Variants in RIPOR2 observed in about 807,000 individuals in gnomAD.
RIPOR2 encodes rho family-interacting cell polarization regulator 2.
In RIPOR2, 39 loss-of-function variants were observed where a neutral mutation model predicts 114.5. That is an observed-to-expected ratio of 0.34 (90% CI 0.26 to 0.44). The LOEUF (loss-of-function observed/expected upper bound fraction) is 0.44, where lower values mean the gene tolerates loss of function less well. Ranked by LOEUF, RIPOR2 falls within the 20% of genes least tolerant of loss-of-function variation. The pLI, the probability that RIPOR2 is intolerant of heterozygous loss-of-function variation, is 1.00. For synonymous variants in RIPOR2, 445 were observed against 484.4 expected (o/e 0.92, Z 1.07); for missense variants, 1,007 against 1,255.1 (o/e 0.80, Z 2.99).
Position 24,849,872 on chromosome 6 carries a change from G to A in RIPOR2, c.964C>T (p.Arg322Ter), listed in dbSNP as rs769611747. 3.1e-6 allele frequency: 5 copies of A among 1,613,694 alleles called. No individual in the cohort carries two copies. Among genetic ancestry groups the A allele is most frequent in the Non-Finnish European group, 3.4e-6 (4 of 1,179,698 alleles). ...TCETKELFAA[R>*]PQVVAVDIND... ...ATGTCGACAGCCACTACCTGAGGTCGGGCTGCAAACAGCTCTTTGGTCTCA... is the reference window on the plus strand; with the variant it reads ...ATGTCGACAGCCACTACCTGAGGTCAGGCTGCAAACAGCTCTTTGGTCTCA... Residue 322 changes from arginine to a stop codon, truncating the protein, a stop_gained, in exon 11 of 22, where the codon CGA (arginine) becomes TGA (stop). Transcript: ENST00000643898. LOFTEE classifies it high-confidence loss of function.
intron 14 of RIPOR2, 151 bp downstream of exon 14, chr6:24,838,940 A>G: frequency 1.7e-6 from 1 of 585,390 alleles, no homozygotes; most frequent in East Asian, 2.8e-5. Flanking sequence ...ATTGCACTTG[A>G]CAATAAAAAG....
intron 1 of RIPOR2, among the ~76,000 whole-genome samples, chr6:25,011,715 G>A (rs1300550222): frequency 2.0e-5 from 3 of 152,170 alleles, no homozygotes; most frequent in South Asian, 2.1e-4. Context: ...GTCTCACACC[G>A]TAGATAAATA....
In RIPOR2 at chr6:25,022,532, ATTTTTTTTTTTTTTTT is replaced by A. The variant is rs10564019; in HGVS notation, c.76+19303_76+19318del. 3.9e-3 allele frequency among the ~76,000 whole-genome samples: 158 copies of A among 40,994 alleles called. 1 individual carries two copies. Among genetic ancestry groups the A allele is most frequent in the African/African-American group, 8.0e-3 (102 of 12,768 alleles). The allele number at this position is 40,994 out of a possible 152,430, so 26.9% of individuals were successfully genotyped here. ...ACATATAACTAATGTGGTACCTTCC[ATTTTTTTTTTTTTTTT>A]TTTTTTTTTTTTTTTTTTTTAGACA... On this transcript the variant is annotated intron_variant, in intron 1 of 13. Transcript: ENST00000510784.
intron 1 of RIPOR2, among the ~76,000 whole-genome samples, chr6:24,885,869 A>G (rs1270456740): frequency 6.6e-6 from 1 of 152,212 alleles, no homozygotes; most frequent in African/African-American, 2.4e-5. Flanking sequence ...AAGTTTAGGT[A>G]ATGCTAAGGA....
At chr6:25,018,027 G>A (rs779200647) in intron 1 of RIPOR2, among the ~76,000 whole-genome samples, 8 of 152,164 alleles carry the variant, frequency 5.3e-5, no homozygotes, top group South Asian at 2.1e-4. Context: ...AAGCAATTTC[G>A]TAATATCACC....
rs557973563 is a variant in RIPOR2, at chr6:24,880,416, G to A, written c.62-4599C>T. On this transcript the variant is annotated intron_variant, in intron 1 of 21. Transcript: ENST00000643898. ...CTATATAAAACCACGAACACAAATA[G>A]AAAAGTTCTGAAACTACACACAGTC... Among the ~76,000 whole-genome samples the A allele has an allele frequency of 1.1e-3, 169 of 152,270 alleles. 1 individual carries two copies. Among genetic ancestry groups the A allele is most frequent in the African/African-American group, 3.8e-3 (159 of 41,558 alleles).
intron 12 of RIPOR2, chr6:24,847,490 T>C (rs1762428678): frequency 1.3e-6 from 2 of 1,527,974 alleles, no homozygotes; most frequent in Middle Eastern, 1.9e-4. Flanking sequence ...AAGTCACACA[T>C]GCCACAAGCC....
In RIPOR2 at chr6:24,818,542, C is replaced by T. The variant is rs1397027110; in HGVS notation, c.2952G>A (p.Glu984=). ...KAACLALKIL[E]ATESIKMLVT... is the part of the protein sequence containing the mutation. ...GGGGAGCTCCAAGGCTGGGCTTTACCTCAAGGATTTTCAGAGCCAGGCAAG... is the reference window on the plus strand; with the variant it reads ...GGGGAGCTCCAAGGCTGGGCTTTACTTCAAGGATTTTCAGAGCCAGGCAAG... The change falls in exon 20 of 22, where the codon GAG becomes GAA. Residue 984 remains glutamate (E), a splice_region_variant and synonymous_variant. Transcript: ENST00000643898. 1.3e-6 allele frequency: 2 copies of T among 1,547,900 alleles called. No individual in the cohort carries two copies. Among genetic ancestry groups the T allele is most frequent in the South Asian group, 2.4e-5 (2 of 83,592 alleles).
intron 1 of RIPOR2, among the ~76,000 whole-genome samples, chr6:24,930,067 C>A (rs1229242336): frequency 2.0e-5 from 3 of 152,222 alleles, no homozygotes; most frequent in African/African-American, 7.2e-5. Context: ...AGAGCGAGAG[C>A]CTGTCTCTTG....
At chr6:24,844,675 C>T (rs1376247555) in intron 12 of RIPOR2, among the ~76,000 whole-genome samples, 1 of 151,828 alleles carries the variant, frequency 6.6e-6, no homozygotes, top group African/African-American at 2.4e-5. Flanking sequence ...CAGGATTTCG[C>T]CATGTTGGTC....
chr6:25,017,885 C>T (rs184562298), intron 1 of RIPOR2, among the ~76,000 whole-genome samples: 1 of 152,260 alleles, frequency 6.6e-6, no homozygotes, highest in Non-Finnish European at 1.5e-5. Flanking sequence ...CTTCAGGACA[C>T]CTATGACAGA....
At chr6:24,859,132 G>A (rs1581624083) in intron 8 of RIPOR2, among the ~76,000 whole-genome samples, 1 of 152,256 alleles carries the variant, frequency 6.6e-6, no homozygotes, top group South Asian at 2.1e-4. Flanking sequence ...CCTGGGACAA[G>A]TCATTTAGCC....
intron 1 of RIPOR2, among the ~76,000 whole-genome samples, chr6:25,011,151 C>A (rs1472090177): frequency 6.6e-6 from 1 of 152,100 alleles, no homozygotes; most frequent in Non-Finnish European, 1.5e-5. Flanking sequence ...TGGCAATGAG[C>A]AGTGGAGGGA....
chr6:24,861,146 T>C, intron 7 of RIPOR2, 110 bp from the exon 8 acceptor site: 1 of 694,694 alleles, frequency 1.4e-6, no homozygotes. Flanking sequence ...GAGAAGCATT[T>C]ACCTGTTTGC....
chr6:24,836,096 T>C, intron 14 of RIPOR2: 2 of 536,946 alleles, frequency 3.7e-6, no homozygotes, highest in Non-Finnish European at 6.7e-6. Context: ...AAGTTCTTTC[T>C]CTACTTTTTA....
At chr6:24,937,521 GT>G (rs891245209), upstream of RIPOR2, among the ~76,000 whole-genome samples, 3 of 152,064 alleles carry the variant, frequency 2.0e-5, no homozygotes, top group Admixed American at 6.5e-5. Flanking sequence ...CTTGAATGAT[GT>G]TTCTGGACAA....
At chr6:24,975,725 T>C (rs1356274721) in intron 1 of RIPOR2, among the ~76,000 whole-genome samples, 2 of 152,172 alleles carry the variant, frequency 1.3e-5, no homozygotes, top group Non-Finnish European at 2.9e-5. Flanking sequence ...GTTCTCAGCA[T>C]ACAAAAAAAG....
rs1311782289 is a variant in RIPOR2, at chr6:24,843,039, G to A, written c.1680C>T (p.Asp560=). 5 of 1,611,962 alleles carry A rather than the reference G, an allele frequency of 3.1e-6. No individual in the cohort carries two copies. The Admixed American group carries it at 8.3e-5, about 27-fold the overall frequency. ...LTSAEVPMAT[D]RLLSEGSVGG... Reference sequence around the variant, plus strand: ...CAACAGAACCCTCAGAGAGCAGCCTGTCTGTGGCCATTGGCACCTCTGCAG... The same window carrying A: ...CAACAGAACCCTCAGAGAGCAGCCTATCTGTGGCCATTGGCACCTCTGCAG... Residue 560 remains aspartate (D), a synonymous_variant, in exon 13 of 22, where the codon GAC becomes GAT. Transcript: ENST00000643898.
chr6:24,996,093 C>A (rs1468429229), intron 1 of RIPOR2, among the ~76,000 whole-genome samples: 1 of 152,208 alleles, frequency 6.6e-6, no homozygotes, highest in Non-Finnish European at 1.5e-5. Context: ...TGAGCCACCA[C>A]GCCTGGCCTA....
Sources: gnomAD v4.1 joint callset for allele counts (sites outside exome capture counted in the v4.1 genomes callset) on GRCh38, gnomAD v4.1.1 for gene constraint, MANE v1.5 for transcripts, NCBI Gene and HGNC (gene_info 2026-07-23, HGNC 2026-07-21) for gene names.